MIPEP: variants seen among roughly 807,000 people sequenced by gnomAD.
The protein encoded by MIPEP is mitochondrial intermediate peptidase.
Under a neutral mutation model 90.3 loss-of-function variants are expected in MIPEP, and 79 were observed. The observed-to-expected ratio is 0.87, with a 90% confidence interval of 0.73 to 1.05. MIPEP has a LOEUF of 1.05. MIPEP is among the 50% of genes least tolerant of loss of function. The pLI, the probability that MIPEP is intolerant of heterozygous loss-of-function variation, is 0.00. For synonymous variants in MIPEP, 334 were observed against 315.8 expected (o/e 1.06, Z -0.61); for missense variants, 940 against 905.6 (o/e 1.04, Z -0.49).
rs67628137 is a variant in MIPEP, at chr13:23,774,784, C to CT, written c.1849-14568dup. Among the ~76,000 whole-genome samples, 105 of 68,292 alleles carry CT rather than the reference C, an allele frequency of 1.5e-3. 3 individuals carry two copies. The highest frequency in any genetic ancestry group is 4.1e-3 in the South Asian group (6 of 1,472). 44.8% of individuals were successfully genotyped at this position (68,292 alleles called of 152,430 possible). ...ACCCTGCTGAACTGGTTTATCAGTT[C>CT]TTTTTTTTTTTTTTTTTTTTTTTTT... is the stretch of plus-strand genomic sequence containing the variant. On this transcript the variant is annotated intron_variant, in intron 16 of 18. Coordinates refer to ENST00000382172, the MANE Select transcript of MIPEP (RefSeq NM_005932.4).
chr13:23,740,507 AT>A (rs1437582115), intron 18 of MIPEP, among the ~76,000 whole-genome samples: 3 of 151,880 alleles, frequency 2.0e-5, no homozygotes, highest in Non-Finnish European at 2.9e-5. Context: ...TTCCCAGTTG[AT>A]TAAAAAAAAA....
intron 17 of MIPEP, chr13:23,756,868 A>G (rs1396987568): frequency 4.1e-6 from 2 of 489,902 alleles, no homozygotes; most frequent in Non-Finnish European, 7.2e-6. Flanking sequence ...TTCTGTTAAC[A>G]AGAGACCTCA....
At chr13:23,763,968 C>CAAA (rs1952571002) in intron 16 of MIPEP, among the ~76,000 whole-genome samples, 1 of 152,180 alleles carries the variant, frequency 6.6e-6, no homozygotes, top group African/African-American at 2.4e-5. Context: ...ATTACCATTT[C>CAAA]ACTCATTCAT....
In MIPEP at chr13:23,876,715, G is replaced by GT. The variant is rs565060593; in HGVS notation, c.540-1807dup. On this transcript the variant is annotated intron_variant, in intron 4 of 18. Coordinates refer to ENST00000382172, the MANE Select transcript of MIPEP (RefSeq NM_005932.4). Reference sequence around the variant, plus strand: ...GTGTTCTGACTTTGAATGTGGAAGCGTTTTGCCTTACCAAAGTTTGCAATG... The same window carrying GT: ...GTGTTCTGACTTTGAATGTGGAAGCGTTTTTGCCTTACCAAAGTTTGCAATG... Among the ~76,000 whole-genome samples the GT allele has an allele frequency of 4.6e-4, 70 of 152,154 alleles. 1 individual carries two copies. The East Asian group carries it at 0.012, about 26-fold the overall frequency.
rs969931799 is a variant in MIPEP at position 23,887,696 on chromosome 13, G to T, written c.190-1190C>A. 1.3e-5 allele frequency among the ~76,000 whole-genome samples: 2 copies of T among 152,200 alleles called. 1 individual carries two copies. The highest frequency in any genetic ancestry group is 1.3e-4 in the Admixed American group (2 of 15,292). ...GTGACCGGAGCAGATGCTAGGCTTT[G>T]TTAATTCACTTTGTAGGTGCTTAAC... On this transcript the variant is annotated intron_variant, in intron 1 of 18. Transcript: ENST00000382172.
chr13:23,766,591 ACT>A (rs1276275295), intron 16 of MIPEP, among the ~76,000 whole-genome samples: 1 of 151,596 alleles, frequency 6.6e-6, no homozygotes, highest in Admixed American at 6.6e-5. Flanking sequence ...TCTCTCACTC[ACT>A]CTCTCAATGT....
intron 18 of MIPEP, chr13:23,747,468 G>C (rs1036331210): frequency 8.5e-6 from 4 of 469,170 alleles, no homozygotes; most frequent in African/African-American, 7.9e-5. Context: ...GTCAGTACTC[G>C]TCCAGTGGGC....
In MIPEP at chr13:23,756,833, G is replaced by A. The variant is rs1952495312; in HGVS notation, c.1971-215C>T. 3 of 557,042 alleles carry A rather than the reference G, an allele frequency of 5.4e-6. No homozygotes were observed. In the South Asian group the frequency reaches 6.7e-5, roughly 12 times the overall value. The allele number at this position is 557,042 out of a possible 1,614,324, so 34.5% of individuals were successfully genotyped here. ...CAGGTGTGACATATTCCCTGTAAGA[G>A]GATAACTATACTTTTGGCTATCTGT... is the stretch of plus-strand genomic sequence containing the variant. On this transcript the variant is annotated intron_variant, in intron 17 of 18. Coordinates refer to ENST00000382172, the MANE Select transcript of MIPEP (RefSeq NM_005932.4).
chr13:23,787,370 G>C (rs578122500), intron 16 of MIPEP, among the ~76,000 whole-genome samples: 60 of 150,598 alleles, frequency 4.0e-4, no homozygotes, highest in African/African-American at 1.4e-3. Context: ...TGGTAGGGTG[G>C]GGGGAGAGAG....
At chr13:23,790,235 C>T (rs1488204112) in intron 16 of MIPEP, among the ~76,000 whole-genome samples, 1 of 152,204 alleles carries the variant, frequency 6.6e-6, no homozygotes, top group African/African-American at 2.4e-5. Flanking sequence ...CCCTTCACTA[C>T]TGCAGTCACT....
intron 18 of MIPEP, among the ~76,000 whole-genome samples, chr13:23,732,720 AT>A (rs1202835134): frequency 1.3e-5 from 2 of 152,188 alleles, no homozygotes; most frequent in African/African-American, 2.4e-5. Flanking sequence ...AGTCAAACCA[AT>A]CTATGGTGAA....
chr13:23,874,194 T>TC (rs1381568369), intron 5 of MIPEP, among the ~76,000 whole-genome samples: 1 of 152,182 alleles, frequency 6.6e-6, no homozygotes, highest in Non-Finnish European at 1.5e-5. Context: ...AGGCTGAACT[T>TC]CCAATGGTGT....
chr13:23,840,798 G>C (rs993889269), intron 11 of MIPEP, among the ~76,000 whole-genome samples: 1 of 152,192 alleles, frequency 6.6e-6, no homozygotes, highest in Non-Finnish European at 1.5e-5. Flanking sequence ...CAAATCCTAT[G>C]AGGAAAAATT....
At chr13:23,769,615 T>C (rs1952628609) in intron 16 of MIPEP, among the ~76,000 whole-genome samples, 1 of 152,170 alleles carries the variant, frequency 6.6e-6, no homozygotes, top group Non-Finnish European at 1.5e-5. Context: ...AGAGGCTCCA[T>C]TCCTGTAGGG....
chr13:23,779,619 T>C (rs1167070454), intron 16 of MIPEP, among the ~76,000 whole-genome samples: 1 of 151,516 alleles, frequency 6.6e-6, no homozygotes, highest in African/African-American at 2.4e-5. Context: ...GGCAGGACAG[T>C]GGGTGCAGCC....
intron 16 of MIPEP, chr13:23,760,511 C>G (rs1210635591): frequency 6.7e-6 from 4 of 594,598 alleles, no homozygotes; most frequent in South Asian, 5.6e-5. Context: ...AGCTCTTAGA[C>G]TGGGCCCTTG....
intron 16 of MIPEP, among the ~76,000 whole-genome samples, chr13:23,777,298 G>C (rs1160420253): frequency 6.6e-6 from 1 of 152,170 alleles, no homozygotes; most frequent in Non-Finnish European, 1.5e-5. Context: ...TGCTTCTGTT[G>C]TTCCTGTCTT....
intron 18 of MIPEP, among the ~76,000 whole-genome samples, chr13:23,755,738 AT>A (rs1952484823): frequency 1.3e-5 from 2 of 152,226 alleles, no homozygotes; most frequent in South Asian, 4.1e-4. Context: ...AAATACTCAA[AT>A]AAAAAATTAC....
chr13:23,796,136 C>T (rs907189413), intron 16 of MIPEP, among the ~76,000 whole-genome samples: 2 of 151,996 alleles, frequency 1.3e-5, no homozygotes, highest in Admixed American at 6.6e-5. Flanking sequence ...AATTGACTAT[C>T]GGCAGGATGC....
Sources: allele counts gnomAD v4.1 joint callset (sites outside exome capture counted in the v4.1 genomes callset), GRCh38; gene constraint gnomAD v4.1.1; transcripts MANE v1.5; gene names NCBI Gene and HGNC (gene_info 2026-07-23, HGNC 2026-07-21).